UGT8: variants seen among roughly 807,000 people sequenced by gnomAD.
UGT8 encodes 2-hydroxyacylsphingosine 1-beta-galactosyltransferase.
A neutral mutation model predicts 40.5 loss-of-function variants in UGT8; 12 were observed. The ratio of observed to expected loss-of-function variants is 0.30; its 90% CI spans 0.19 to 0.48. UGT8 has a LOEUF of 0.48. Among genes scored for constraint, UGT8 ranks in the 20% least tolerant of loss-of-function variants. The probability of loss-of-function intolerance (pLI) is 0.99; values close to 1 mark genes in which losing one functional copy is unlikely to be tolerated. For missense variants in UGT8, 513 were observed against 648.7 expected (o/e 0.79, Z 2.27); for synonymous variants, 224 against 240.4 (o/e 0.93, Z 0.63).
In UGT8 at chr4:114,623,067, G is replaced by T; in HGVS notation, c.187G>T (p.Ala63Ser). 3 of 1,614,058 alleles carry T rather than the reference G, an allele frequency of 1.9e-6. No individual in the cohort carries two copies. The highest frequency in any genetic ancestry group is 2.5e-6 in the Non-Finnish European group (3 of 1,180,006). The change falls in exon 2 of 6, where the codon GCC (alanine) becomes TCC (serine). Residue 63 changes from alanine (A) to serine (S), a missense_variant. Ala to Ser is a moderately conservative substitution (Grantham distance 99). Coordinates refer to ENST00000310836, the MANE Select transcript of UGT8 (RefSeq NM_001128174.3). The part of the protein sequence containing the change: ...VFLLSEGRDI[A>S]PSNHYSLQRY... ...CCTCCTCTCTGAAGGCAGAGACATCGCCCCATCTAATCATTACAGCCTCCA... is the reference window on the plus strand; with the variant it reads ...CCTCCTCTCTGAAGGCAGAGACATCTCCCCATCTAATCATTACAGCCTCCA...
chr4:114,660,907 A>T (rs921139333), intron 2 of UGT8, among the ~76,000 whole-genome samples: 4 of 147,090 alleles, frequency 2.7e-5, no homozygotes, highest in Non-Finnish European at 4.5e-5. Flanking sequence ...AAAAAAAAAA[A>T]AAATTATAAT....
intron 5 of UGT8, among the ~76,000 whole-genome samples, chr4:114,671,300 A>T (rs185859604): frequency 6.6e-6 from 1 of 152,344 alleles, no homozygotes; most frequent in African/African-American, 2.4e-5. Flanking sequence ...GAATTAGAGA[A>T]TACTATTTTA....
intron 2 of UGT8, chr4:114,656,671 A>G: frequency 2.7e-6 from 1 of 374,460 alleles, no homozygotes; most frequent in Non-Finnish European, 5.4e-6. Context: ...CTCACAGGGG[A>G]GAACAATAGA....
rs573796007 is a variant in UGT8, at chr4:114,670,294, G to A, written c.1262+1990G>A. ...AAAATACAAAAAATTAGCCGGGCATGGTGATGGGCACCTGTAGTCCCAGCT... is the reference window on the plus strand; with the variant it reads ...AAAATACAAAAAATTAGCCGGGCATAGTGATGGGCACCTGTAGTCCCAGCT... On this transcript the variant is annotated intron_variant, in intron 5 of 5. Transcript: ENST00000310836. Among the ~76,000 whole-genome samples the A allele has an allele frequency of 2.0e-4, 30 of 152,002 alleles. 1 individual carries two copies. In the South Asian group the frequency reaches 5.6e-3, roughly 28 times the overall value.
intron 2 of UGT8, among the ~76,000 whole-genome samples, chr4:114,662,133 G>T (rs888560904): frequency 1.3e-5 from 2 of 152,130 alleles, no homozygotes; most frequent in Admixed American, 6.5e-5. Flanking sequence ...TTACAGTGGG[G>T]TTCTGTCGTG....
At chr4:114,668,406 G>A (rs984189144) in intron 5 of UGT8, 102 bp downstream of exon 5, 1 of 977,244 alleles carries the variant, frequency 1.0e-6, no homozygotes, top group African/African-American at 1.6e-5. Context: ...ATCAAATTAT[G>A]GAAATATCCT....
intron 1 of UGT8, among the ~76,000 whole-genome samples, chr4:114,606,813 G>C (rs563294948): frequency 1.3e-5 from 2 of 152,128 alleles, no homozygotes; most frequent in Admixed American, 6.5e-5. Flanking sequence ...GTGTTTCAGT[G>C]TCATATCTGG....
chr4:114,629,682 C>A (rs1257641800), intron 2 of UGT8, among the ~76,000 whole-genome samples: 1 of 152,176 alleles, frequency 6.6e-6, no homozygotes, highest in East Asian at 1.9e-4. Context: ...GTTCAGTTCA[C>A]TGATACAAAA....
rs766943194 is a variant in UGT8 at position 114,623,663 on chromosome 4, A to G, written c.783A>G (p.Val261=). 1.9e-6 allele frequency: 3 copies of G among 1,609,446 alleles called. No individual in the cohort carries two copies. Among genetic ancestry groups the G allele is most frequent in the Non-Finnish European group, 2.6e-6 (3 of 1,175,944 alleles). ...PRPTLPNVVY[V]GGILTKPASP... ...CCACTCTGCCTAATGTTGTTTATGTAGGAGGAATCCTAACCAAACCAGCCA... is the reference window on the plus strand; with the variant it reads ...CCACTCTGCCTAATGTTGTTTATGTGGGAGGAATCCTAACCAAACCAGCCA... Residue 261 remains valine (V), a synonymous_variant, in exon 2 of 6, where the codon GTA becomes GTG. Transcript: ENST00000310836.
intron 5 of UGT8, among the ~76,000 whole-genome samples, chr4:114,675,353 A>G (rs1052419626): frequency 6.6e-6 from 1 of 152,166 alleles, no homozygotes; most frequent in Non-Finnish European, 1.5e-5. Flanking sequence ...GGAGTCAGAA[A>G]ATTCTGGGTC....
At chr4:114,632,287 CA>C (rs1462962195) in intron 2 of UGT8, among the ~76,000 whole-genome samples, 1 of 152,170 alleles carries the variant, frequency 6.6e-6, no homozygotes, top group Non-Finnish European at 1.5e-5. Context: ...GAAAAAGAGA[CA>C]GACAAGCATG....
At chr4:114,654,588 A>G (rs898011947) in intron 2 of UGT8, among the ~76,000 whole-genome samples, 3 of 152,080 alleles carry the variant, frequency 2.0e-5, no homozygotes, top group African/African-American at 7.2e-5. Flanking sequence ...TTTGACAGTT[A>G]AAATTAGCTG....
intron 1 of UGT8, among the ~76,000 whole-genome samples, chr4:114,613,937 A>G (rs1380099230): frequency 6.6e-6 from 1 of 152,198 alleles, no homozygotes; most frequent in African/African-American, 2.4e-5. Context: ...ATCATCAGGC[A>G]TTAATTGGAT....
chr4:114,600,081 A>G (rs929129818), intron 1 of UGT8, among the ~76,000 whole-genome samples: 5 of 152,200 alleles, frequency 3.3e-5, no homozygotes, highest in African/African-American at 9.7e-5. Flanking sequence ...TCTGAGAACT[A>G]ACGCGAATGG....
At chr4:114,621,246 T>C (rs1335290383) in intron 1 of UGT8, among the ~76,000 whole-genome samples, 1 of 152,186 alleles carries the variant, frequency 6.6e-6, no homozygotes, top group African/African-American at 2.4e-5. Flanking sequence ...AGAAGTGTGG[T>C]CTGAGACATA....
intron 4 of UGT8, among the ~76,000 whole-genome samples, chr4:114,666,797 C>A (rs1213800640): frequency 6.6e-6 from 1 of 151,992 alleles, no homozygotes; most frequent in African/African-American, 2.4e-5. Flanking sequence ...CTCCTCAAGT[C>A]CATAGCTGCT....
At chr4:114,672,440 T>A (rs911975639) in intron 5 of UGT8, among the ~76,000 whole-genome samples, 1 of 152,108 alleles carries the variant, frequency 6.6e-6, no homozygotes, top group Non-Finnish European at 1.5e-5. Context: ...AGTGATAGAC[T>A]GGATAAATAA....
chr4:114,668,413 TC>T, intron 5 of UGT8, 109 bp downstream of exon 5: 1 of 913,102 alleles, frequency 1.1e-6, no homozygotes, highest in Non-Finnish European at 1.7e-6. Context: ...TATGGAAATA[TC>T]CTTTAGATTC....
At chr4:114,662,356 A>C (rs1474135786) in intron 2 of UGT8, among the ~76,000 whole-genome samples, 1 of 152,210 alleles carries the variant, frequency 6.6e-6, no homozygotes, top group Non-Finnish European at 1.5e-5. Flanking sequence ...GCTCACTGTC[A>C]CTGTCCCAGG....
Sources: allele counts gnomAD v4.1 joint callset (sites outside exome capture counted in the v4.1 genomes callset), GRCh38; gene constraint gnomAD v4.1.1; transcripts MANE v1.5; gene names NCBI Gene and HGNC (gene_info 2026-07-23, HGNC 2026-07-21).